The following CNTN3 variants were observed in gnomAD, a reference collection of about 807,000 sequenced individuals.
CNTN3 encodes the protein contactin 3.
CNTN3 carries 60 observed loss-of-function variants against 119.1 expected under a neutral mutation model. The observed-to-expected ratio is 0.50, with a 90% CI of 0.41 to 0.62. The LOEUF is 0.62. Among genes scored for constraint, CNTN3 ranks in the 20% least tolerant of loss-of-function variants. The pLI, the probability that CNTN3 is intolerant of heterozygous loss-of-function variation, is 0.00. For synonymous variants in CNTN3, 450 were observed against 438.7 expected, an observed-to-expected ratio of 1.03 and a Z score of -0.32; for missense variants, 1,101 against 1,242.4, an observed-to-expected ratio of 0.89 and a Z score of 1.71.
At chr3:74,288,540 A>C (rs1391891800) in intron 19 of CNTN3, among the ~76,000 whole-genome samples, 1 of 152,160 alleles carries the variant, frequency 6.6e-6, no homozygotes, top group Non-Finnish European at 1.5e-5. Flanking sequence ...AGAAGGCATC[A>C]ATGAAGTTTA....
chr3:74,321,169 T>C (rs1217718604), intron 13 of CNTN3, among the ~76,000 whole-genome samples: 1 of 152,124 alleles, frequency 6.6e-6, no homozygotes, highest in South Asian at 2.1e-4. Context: ...TTGAAGACTA[T>C]TGGGTACTAT....
chr3:74,279,800 A>G (rs1358846313), intron 20 of CNTN3, among the ~76,000 whole-genome samples: 1 of 152,124 alleles, frequency 6.6e-6, no homozygotes, highest in East Asian at 1.9e-4. Context: ...AAATAATAAT[A>G]AAATAAAAGT....
chr3:74,470,384 CCTT>C (rs201017050), intron 4 of CNTN3, among the ~76,000 whole-genome samples: 4,575 of 152,210 alleles, frequency 0.03, 97 homozygotes, highest in Non-Finnish European at 0.046. Context: ...CTGAATCTGT[CCTT>C]CTCCATTCCA....
intron 11 of CNTN3, among the ~76,000 whole-genome samples, chr3:74,348,006 G>A (rs957673231): frequency 6.6e-6 from 1 of 152,206 alleles, no homozygotes; most frequent in Admixed American, 6.5e-5. Context: ...AAAAAAAGTA[G>A]AATGGTGATT....
At chr3:74,414,241 A>G (rs553044378) in intron 5 of CNTN3, among the ~76,000 whole-genome samples, 52 of 152,190 alleles carry the variant, frequency 3.4e-4, no homozygotes, top group Non-Finnish European at 5.9e-4. Flanking sequence ...CAAGACAGCT[A>G]AAGTTCAGGG....
At chr3:74,378,142 C>T (rs1189931615) in intron 5 of CNTN3, among the ~76,000 whole-genome samples, 1 of 152,176 alleles carries the variant, frequency 6.6e-6, no homozygotes, top group East Asian at 1.9e-4. Context: ...CCGATTCATA[C>T]AATCAGGAAG....
intron 1 of CNTN3, among the ~76,000 whole-genome samples, chr3:74,567,274 G>A (rs1575834652): frequency 6.6e-6 from 1 of 151,272 alleles, no homozygotes; most frequent in Admixed American, 6.6e-5. Context: ...CTGAGTGGCT[G>A]GGACTACAGG....
intron 13 of CNTN3, among the ~76,000 whole-genome samples, chr3:74,316,285 G>A (rs1032404872): frequency 6.6e-6 from 1 of 152,068 alleles, no homozygotes; most frequent in Non-Finnish European, 1.5e-5. Context: ...ACCACAATGA[G>A]ATACCATCTC....
intron 1 of CNTN3, among the ~76,000 whole-genome samples, chr3:74,527,279 TG>T (rs1266841298): frequency 6.6e-6 from 1 of 151,946 alleles, no homozygotes; most frequent in Admixed American, 6.6e-5. Context: ...ATAATGAGAT[TG>T]TTTTTTATAT....
chr3:74,325,235 T>A lies in CNTN3; in HGVS notation c.1668+9500A>T, dbSNP rs1575727585. Among the ~76,000 whole-genome samples, 4 of 152,320 alleles carry A rather than the reference T, an allele frequency of 2.6e-5. No homozygotes were observed. In the East Asian group the frequency reaches 7.7e-4, roughly 29 times the overall value. On this transcript the variant is annotated intron_variant, in intron 13 of 22. Coordinates refer to ENST00000263665, the MANE Select transcript of CNTN3 (RefSeq NM_020872.3). ...TCTTTTAAATTAATATCCTATACAA[T>A]AATCCAGGCAACTAGGTTTTGTTGT...
intron 2 of CNTN3, 107 bp downstream of exon 2, chr3:74,520,951 T>C (rs765883581): frequency 4.9e-5 from 27 of 547,592 alleles, no homozygotes; most frequent in Non-Finnish European, 7.8e-5. Context: ...AACATTTGTT[T>C]TTCTTTGCTA....
chr3:74,273,272 C>T (rs1701817003), intron 20 of CNTN3, among the ~76,000 whole-genome samples: 1 of 152,208 alleles, frequency 6.6e-6, no homozygotes, highest in South Asian at 2.1e-4. Flanking sequence ...CCCCAAGACA[C>T]ACCTACTTGG....
intron 4 of CNTN3, among the ~76,000 whole-genome samples, chr3:74,454,595 T>C (rs1170210933): frequency 6.6e-6 from 1 of 152,156 alleles, no homozygotes; most frequent in Non-Finnish European, 1.5e-5. Flanking sequence ...TGATGCAGTT[T>C]CTTCCTAGTC....
At chr3:74,344,519 G>A (rs1330162725) in intron 11 of CNTN3, among the ~76,000 whole-genome samples, 2 of 140,810 alleles carry the variant, frequency 1.4e-5, no homozygotes, top group African/African-American at 5.5e-5. Flanking sequence ...TCCGCCTCCC[G>A]AGTTCACGCC....
chr3:74,452,086 A>T (rs2106951082), intron 4 of CNTN3, among the ~76,000 whole-genome samples: 1 of 146,964 alleles, frequency 6.8e-6, no homozygotes, highest in South Asian at 2.2e-4. Context: ...ATGGCATTGA[A>T]TCTATAAATT....
intron 4 of CNTN3, among the ~76,000 whole-genome samples, chr3:74,448,315 T>TA (rs2093839174): frequency 6.6e-6 from 1 of 152,184 alleles, no homozygotes; most frequent in South Asian, 2.1e-4. Context: ...TACTGGACAC[T>TA]AGGGGCTTTA....
chr3:74,338,928 G>T (rs1406673004), intron 11 of CNTN3, among the ~76,000 whole-genome samples: 1 of 151,964 alleles, frequency 6.6e-6, no homozygotes, highest in African/African-American at 2.4e-5. Flanking sequence ...CTTCTCGTGG[G>T]ACCCTGAAGG....
At chr3:74,335,333 G>A (rs1393692890) in intron 12 of CNTN3, among the ~76,000 whole-genome samples, 1 of 152,068 alleles carries the variant, frequency 6.6e-6, no homozygotes, top group South Asian at 2.1e-4. Context: ...TGGTAGCCTG[G>A]ATTTGAAAGA....
intron 4 of CNTN3, among the ~76,000 whole-genome samples, chr3:74,448,622 G>A (rs1356407677): frequency 1.3e-5 from 2 of 151,990 alleles, no homozygotes; most frequent in African/African-American, 2.4e-5. Flanking sequence ...ATAAAACAAG[G>A]AGAACAACGT....
Sources: allele counts gnomAD v4.1 joint callset (sites outside exome capture counted in the v4.1 genomes callset), GRCh38; gene constraint gnomAD v4.1.1; transcripts MANE v1.5; gene names NCBI Gene and HGNC (gene_info 2026-07-23, HGNC 2026-07-21).